SHTN1: variants seen among roughly 807,000 people sequenced by gnomAD.
SHTN1 encodes shootin-1.
A neutral mutation model predicts 83.1 loss-of-function variants in SHTN1; 42 were observed. The ratio of observed to expected loss-of-function variants is 0.51; its 90% CI spans 0.39 to 0.65. The LOEUF is 0.65. SHTN1 is among the 30% of genes least tolerant of loss of function. The pLI is 0.00. For missense variants in SHTN1, 622 were observed against 737.8 expected, an observed-to-expected ratio of 0.84 and a Z score of 1.82; for synonymous variants, 224 against 247.7, an observed-to-expected ratio of 0.90 and a Z score of 0.90.
chr10:116,979,302 C>T lies in SHTN1; in HGVS notation c.65G>A (p.Gly22Asp), dbSNP rs755289740. The stretch of plus-strand genomic sequence containing the variant: ...CTCTGCTCTAAGGTCTTCATATTCG[C>T]CTATTGCTAAAAGAAAAAAGGAAAG... ...LITSLKEQAI[G>D]EYEDLRAENQ... The change falls in exon 2 of 17, where the codon GGC (glycine) becomes GAC (aspartate). Residue 22 changes from glycine to aspartate, a missense_variant. Transcript: ENST00000355371. The T allele has an allele frequency of 1.2e-6, 2 of 1,613,590 alleles. No homozygotes were observed. Among genetic ancestry groups the T allele is most frequent in the South Asian group, 1.1e-5 (1 of 91,082 alleles).
chr10:117,021,943 A>G (rs1852268601), intron 2 of SHTN1, among the ~76,000 whole-genome samples: 1 of 152,172 alleles, frequency 6.6e-6, no homozygotes, highest in Admixed American at 6.5e-5. Flanking sequence ...TTACATCTAT[A>G]ATCAGTTAAA....
At chr10:116,932,443 A>G (rs980181983) in intron 9 of SHTN1, among the ~76,000 whole-genome samples, 3 of 152,300 alleles carry the variant, frequency 2.0e-5, no homozygotes, top group Non-Finnish European at 2.9e-5. Flanking sequence ...GAGGTGGTAC[A>G]GTTTCATCCC....
intron 2 of SHTN1, among the ~76,000 whole-genome samples, chr10:117,038,431 C>A (rs1015163946): frequency 6.6e-6 from 1 of 151,910 alleles, no homozygotes; most frequent in South Asian, 2.1e-4. Flanking sequence ...TGAGCCAATG[C>A]ACCCAGCCGC....
chr10:117,010,818 A>T (rs536961903), intron 2 of SHTN1, among the ~76,000 whole-genome samples: 1 of 152,342 alleles, frequency 6.6e-6, no homozygotes, highest in South Asian at 2.1e-4. Flanking sequence ...TAATAGGAAA[A>T]AAACCAGGTG....
chr10:116,953,986 A>G, intron 5 of SHTN1, 56 bp downstream of exon 5: 1 of 1,408,438 alleles, frequency 7.1e-7, no homozygotes, highest in Non-Finnish European at 9.7e-7. Flanking sequence ...CAGGGTTCAG[A>G]AGCACTATCA....
Position 117,005,139 on chromosome 10 carries a change from G to C in SHTN1, c.-60C>G. On this transcript the variant is annotated 5_prime_UTR_variant, in exon 1 of 17. Transcript: ENST00000355371. ...GGGAGCGGCGCGGGGCACACAGGAGGAGGGGGAAGAAAAAGCAAGATGCCG... is the reference window on the plus strand; with the variant it reads ...GGGAGCGGCGCGGGGCACACAGGAGCAGGGGGAAGAAAAAGCAAGATGCCG... 2 of 1,556,640 alleles carry C rather than the reference G, an allele frequency of 1.3e-6. No homozygotes were observed. The highest frequency in any genetic ancestry group is 1.7e-6 in the Non-Finnish European group (2 of 1,149,614).
intron 11 of SHTN1, among the ~76,000 whole-genome samples, chr10:116,926,284 A>T (rs970128244): frequency 1.1e-4 from 16 of 152,194 alleles, no homozygotes; most frequent in African/African-American, 3.9e-4. Flanking sequence ...TTACTTTTTA[A>T]TCGTTCTCCC....
At chr10:116,996,195 A>G (rs980948549) in intron 1 of SHTN1, among the ~76,000 whole-genome samples, 1 of 152,204 alleles carries the variant, frequency 6.6e-6, no homozygotes, top group Non-Finnish European at 1.5e-5. Context: ...AATAGTTCAG[A>G]AACTATAGTT....
intron 1 of SHTN1, among the ~76,000 whole-genome samples, chr10:117,097,235 G>A (rs575082614): frequency 6.6e-6 from 1 of 152,302 alleles, no homozygotes. Flanking sequence ...ACATCCTCAT[G>A]AAAATCAGAT....
intron 1 of SHTN1, among the ~76,000 whole-genome samples, chr10:116,984,546 C>T (rs959001064): frequency 5.3e-5 from 8 of 152,142 alleles, no homozygotes; most frequent in Non-Finnish European, 1.2e-4. Context: ...ATCTACCTAC[C>T]TAGTCCTCAA....
At chr10:117,041,532 A>T (rs1038310530) in intron 2 of SHTN1, among the ~76,000 whole-genome samples, 4 of 152,140 alleles carry the variant, frequency 2.6e-5, no homozygotes, top group Non-Finnish European at 1.5e-5. Flanking sequence ...AGTGACAGGC[A>T]TTGCTTCATA....
intron 14 of SHTN1, among the ~76,000 whole-genome samples, chr10:116,909,304 C>A (rs768720263): frequency 1.3e-5 from 2 of 152,144 alleles, no homozygotes; most frequent in Non-Finnish European, 2.9e-5. Flanking sequence ...ACTAACTAAT[C>A]TAATTGTCAG....
At position 116,949,115 on chromosome 10, in the gene SHTN1, A is replaced by C. The variant is rs1051137436; in HGVS notation, c.535-118T>G. ...AACATGAAGTTACAATTTAAAGCAG[A>C]AATTGGTTTCAATGTGTTAGGACTT... is the stretch of plus-strand genomic sequence containing the variant. On this transcript the variant is annotated intron_variant, in intron 6 of 16. Coordinates refer to ENST00000355371, the MANE Select transcript of SHTN1 (RefSeq NM_001127211.3). The C allele has an allele frequency of 1.2e-5, 14 of 1,194,628 alleles. No homozygotes were observed. The East Asian group carries it at 4.0e-4, about 35-fold the overall frequency. 74.0% of individuals were successfully genotyped at this position (1,194,628 alleles called of 1,614,324 possible).
intron 1 of SHTN1, among the ~76,000 whole-genome samples, chr10:117,064,373 C>T (rs1194401060): frequency 6.6e-6 from 1 of 152,166 alleles, no homozygotes; most frequent in Non-Finnish European, 1.5e-5. Context: ...AATGTACGTT[C>T]AGCCAGGCAT....
chr10:117,122,923 T>C (rs1334731648), intron 1 of SHTN1, among the ~76,000 whole-genome samples: 4 of 152,244 alleles, frequency 2.6e-5, no homozygotes, highest in African/African-American at 9.6e-5. Context: ...AAGGTGACTC[T>C]GCCTCTGACT....
intron 1 of SHTN1, among the ~76,000 whole-genome samples, chr10:117,123,782 G>T (rs2133649746): frequency 6.6e-6 from 1 of 151,846 alleles, no homozygotes; most frequent in East Asian, 1.9e-4. Context: ...AGTGGTGCAT[G>T]TCTGTGATCC....
In SHTN1 at chr10:116,911,782, A is replaced by G. The variant is rs1326628589; in HGVS notation, c.1359+8T>C. On this transcript the variant is annotated splice_region_variant and intron_variant, in intron 14 of 16. Coordinates refer to ENST00000355371, the MANE Select transcript of SHTN1 (RefSeq NM_001127211.3). ...TTAGCTAAACAATAAACTGAAATCT[A>G]TTCTTACCAGTATTCCTTTTAGTTC... 1.2e-6 allele frequency: 2 copies of G among 1,608,394 alleles called. No homozygotes were observed. The highest frequency in any genetic ancestry group is 1.7e-6 in the Non-Finnish European group (2 of 1,175,014).
At chr10:116,888,564 A>T (rs1428833156) in intron 16 of SHTN1, among the ~76,000 whole-genome samples, 1 of 152,200 alleles carries the variant, frequency 6.6e-6, no homozygotes, top group Non-Finnish European at 1.5e-5. Flanking sequence ...CTCTCTCACA[A>T]GCACCAATCT....
chr10:117,116,690 C>T (rs61873047), intron 1 of SHTN1, among the ~76,000 whole-genome samples: 27,269 of 152,040 alleles, frequency 0.18, 2,567 homozygotes, highest in East Asian at 0.32. Flanking sequence ...AATTCAACAA[C>T]ACATTAAAAG....
Sources: gnomAD v4.1 joint callset for allele counts (sites outside exome capture counted in the v4.1 genomes callset) on GRCh38, gnomAD v4.1.1 for gene constraint, MANE v1.5 for transcripts, NCBI Gene and HGNC (gene_info 2026-07-23, HGNC 2026-07-21) for gene names.